Variants in ZNF683 observed in about 807,000 individuals in gnomAD.
ZNF683 encodes the protein zinc finger protein 683, also known as tissue-resident T-cell transcription regulator protein ZNF683.
In ZNF683, 20 loss-of-function variants were observed where a neutral mutation model predicts 31.4. That is an observed-to-expected ratio of 0.64 (90% CI 0.45 to 0.93). The LOEUF (loss-of-function observed/expected upper bound fraction) is 0.93. Among genes scored for constraint, ZNF683 ranks in the 40% least tolerant of loss-of-function variants. The probability of loss-of-function intolerance (pLI) is 0.00; values close to 1 mark genes in which losing one functional copy is unlikely to be tolerated. For missense variants in ZNF683, 621 were observed against 637.2 expected, an observed-to-expected ratio of 0.97 and a Z score of 0.27; for synonymous variants, 264 against 267.6, an observed-to-expected ratio of 0.99 and a Z score of 0.13.
intron 3 of ZNF683, 77 bp from the exon 4 acceptor site, chr1:26,365,303 C>G (rs545133649): frequency 7.0e-7 from 1 of 1,429,548 alleles, no homozygotes; most frequent in Non-Finnish European, 9.3e-7. Context: ...CTGCCCTGCT[C>G]GGGGCTGAGA....
rs1042896117 is a variant in ZNF683, at chr1:26,365,519, G to A, written c.320-293C>T. On this transcript the variant is annotated intron_variant, in intron 3 of 5. Transcript: ENST00000349618. Reference sequence around the variant, plus strand: ...CACAGATAAGATCACATAAGGGTGAGGCTAGATCTGCTATGTCCGAAATGG... The same window carrying A: ...CACAGATAAGATCACATAAGGGTGAAGCTAGATCTGCTATGTCCGAAATGG... 5.3e-5 allele frequency among the ~76,000 whole-genome samples: 8 copies of A among 152,318 alleles called. No individual in the cohort carries two copies. The East Asian group carries it at 1.5e-3, about 29-fold the overall frequency.
Position 26,365,233 on chromosome 1 carries a change from A to G in ZNF683, c.320-7T>C, listed in dbSNP as rs2074494457. On this transcript the variant is annotated splice_region_variant and splice_polypyrimidine_tract_variant and intron_variant, in intron 3 of 5. Coordinates refer to ENST00000349618, the MANE Select transcript of ZNF683 (RefSeq NM_001114759.3). ...AGCCCTGGTGGCTCGTGCTCTAAGC[A>G]GGAAAAGGAAGGCGGTCAGATCCCC... The G allele has an allele frequency of 2.5e-6, 4 of 1,579,396 alleles. No individual in the cohort carries two copies. The highest frequency in any genetic ancestry group is 1.8e-5 in the Admixed American group (1 of 54,564).
intron 1 of ZNF683, chr1:26,372,451 C>T: frequency 7.7e-7 from 1 of 1,298,850 alleles, no homozygotes; most frequent in South Asian, 1.2e-5. Context: ...TACTTAATTC[C>T]AACCTCCCTC....
At chr1:26,363,333 G>A (rs1435813387) in intron 4 of ZNF683, among the ~76,000 whole-genome samples, 179 bp from the exon 5 acceptor site, 1 of 152,186 alleles carries the variant, frequency 6.6e-6, no homozygotes, top group East Asian at 1.9e-4. Context: ...TGGTCAGAAG[G>A]CCAGGGGTAA....
At chr1:26,370,085 G>A (rs182689474) in intron 1 of ZNF683, among the ~76,000 whole-genome samples, 16 of 152,216 alleles carry the variant, frequency 1.1e-4, no homozygotes, top group South Asian at 4.1e-4. Context: ...AGGCCCTCAC[G>A]GAGCTTACTT....
chr1:26,369,807 C>T (rs2074626083), intron 1 of ZNF683, among the ~76,000 whole-genome samples: 1 of 152,044 alleles, frequency 6.6e-6, no homozygotes, highest in Non-Finnish European at 1.5e-5. Flanking sequence ...CCAGTCTGAG[C>T]AACAGAGTGA....
At chr1:26,366,627 G>T (rs1032712726) in intron 3 of ZNF683, among the ~76,000 whole-genome samples, 1 of 152,032 alleles carries the variant, frequency 6.6e-6, no homozygotes, top group Non-Finnish European at 1.5e-5. Context: ...GGGCAGAACC[G>T]AGACTCCAAC....
At position 26,372,668 on chromosome 1, in the gene ZNF683, C is replaced by T; in HGVS notation, c.-15+1G>A. On this transcript the variant is annotated splice_donor_variant, in intron 1 of 5. Transcript: ENST00000349618. LOFTEE classifies it low-confidence loss of function (5UTR_SPLICE). ...CCCTCTATCCGCACTTCCCAACCTA[C>T]TCTGGTGATCATGGGCTTTCCTTGG... 7.7e-7 allele frequency: 1 copy of T among 1,297,428 alleles called. No individual in the cohort carries two copies. Among genetic ancestry groups the T allele is most frequent in the Non-Finnish European group, 1.0e-6 (1 of 985,904 alleles). 80.4% of individuals were successfully genotyped at this position (1,297,428 alleles called of 1,614,324 possible).
Position 26,365,196 on chromosome 1 carries a change from G to C in ZNF683, c.350C>G (p.Ser117Cys). 3 of 1,606,922 alleles carry C rather than the reference G, an allele frequency of 1.9e-6. No individual in the cohort carries two copies. Among genetic ancestry groups the C allele is most frequent in the Non-Finnish European group, 1.7e-6 (2 of 1,177,032 alleles). The change falls in exon 4 of 6, where the codon TCC (serine) becomes TGC (cysteine). Residue 117 changes from serine (S) to cysteine (C), a missense_variant. Ser to Cys is a moderately radical substitution (Grantham distance 112). Coordinates refer to ENST00000349618, the MANE Select transcript of ZNF683 (RefSeq NM_001114759.3). ...GACTGTGAATTTCTTGTCATCGGTG[G>C]AGCTGGCCTGCAGCCCTGGTGGCTC... ...KHEPPGLQAS[S>C]TDDKKFTVKY...
chr1:26,363,234 A>G, intron 4 of ZNF683, 80 bp from the exon 5 acceptor site: 1 of 1,500,442 alleles, frequency 6.7e-7, no homozygotes, highest in East Asian at 2.4e-5. Context: ...ATCTCTGCCC[A>G]CTTCTCTCTC....
Position 26,368,613 on chromosome 1 carries a change from C to A in ZNF683, c.-14-28G>T, listed in dbSNP as rs754461458. On this transcript the variant is annotated intron_variant, in intron 1 of 5. Transcript: ENST00000349618. ...GGGAAACAGGTGAGTTAGAGGTAAG[C>A]TGTGAAGGTCCTCCAAATAGGAGTC... The A allele has an allele frequency of 1.9e-6, 3 of 1,552,898 alleles. No homozygotes were observed. The South Asian group carries it at 3.7e-5, about 19-fold the overall frequency.
rs145546121 is a variant in ZNF683, at chr1:26,364,720, C to A, written c.826G>T (p.Ala276Ser). ...GGGGAGTCGGTTGGGGCAGCTCCAG[C>A]ACCTGGATTTCGGGCCTGGGAAGGC... ...ALPSQARNPG[A>S]GAAPTDSPGL... The change falls in exon 4 of 6, where the codon GCT (alanine) becomes TCT (serine). Residue 276 changes from alanine to serine, a missense_variant. Ala to Ser is a moderately conservative substitution (Grantham distance 99). Coordinates refer to ENST00000349618, the MANE Select transcript of ZNF683 (RefSeq NM_001114759.3). The A allele has an allele frequency of 1.2e-6, 2 of 1,613,908 alleles. No individual in the cohort carries two copies. Among genetic ancestry groups the A allele is most frequent in the Non-Finnish European group, 1.7e-6 (2 of 1,179,856 alleles).
intron 1 of ZNF683, among the ~76,000 whole-genome samples, chr1:26,369,199 C>G (rs971695921): frequency 6.7e-6 from 1 of 148,738 alleles, no homozygotes; most frequent in Non-Finnish European, 1.5e-5. Context: ...GAGCCAAGAT[C>G]GTGCCACTGC....
chr1:26,374,180 G>A (rs2074718774), upstream of ZNF683: 2 of 1,239,248 alleles, frequency 1.6e-6, no homozygotes, highest in Admixed American at 5.0e-5. Flanking sequence ...AGACCCCCAG[G>A]CCACAAGCCC....
chr1:26,366,666 T>C (rs1054860058), intron 3 of ZNF683, among the ~76,000 whole-genome samples: 6 of 151,072 alleles, frequency 4.0e-5, no homozygotes, highest in African/African-American at 1.5e-4. Flanking sequence ...AGCCCAGTGC[T>C]TTTTTTTTGA....
rs2074484399 is a variant in ZNF683, at chr1:26,364,991, G to C, written c.555C>G (p.Leu185=). The change falls in exon 4 of 6, where the codon CTC becomes CTG. Residue 185 remains leucine (L), a synonymous_variant. Transcript: ENST00000349618. ...CPPVNSISKE[L]PFLLHAFYPG... is the part of the protein sequence containing the mutation. ...GGTAGAAGGCGTGGAGGAGAAATGG[G>C]AGCTCCTTGGAGATGGAGTTGACAG... The C allele has an allele frequency of 4.4e-6, 7 of 1,579,076 alleles. No individual in the cohort carries two copies. Among genetic ancestry groups the C allele is most frequent in the Non-Finnish European group, 6.0e-6 (7 of 1,165,314 alleles).
Position 26,364,640 on chromosome 1 carries a change from G to A in ZNF683, c.906C>T (p.Ser302=). The change falls in exon 4 of 6, where the codon TCC becomes TCT. Residue 302 remains serine, a synonymous_variant. Coordinates refer to ENST00000349618, the MANE Select transcript of ZNF683 (RefSeq NM_001114759.3). ...ASPAKRVPLS[S]QTGTAALPYP... is the part of the protein sequence containing the mutation. ...AAGGCAAGGCTGCGGTGCCTGTCTG[G>A]GAACTCAATGGGACCCGCTTTGCTG... is the stretch of plus-strand genomic sequence containing the variant. The A allele has an allele frequency of 6.2e-7, 1 of 1,614,012 alleles. No homozygotes were observed. The highest frequency in any genetic ancestry group is 8.5e-7 in the Non-Finnish European group (1 of 1,179,894).
chr1:26,362,441 T>C (rs2074409379), intron 5 of ZNF683, among the ~76,000 whole-genome samples: 1 of 152,126 alleles, frequency 6.6e-6, no homozygotes, highest in Non-Finnish European at 1.5e-5. Context: ...CCCAGGACCC[T>C]AGGGAAGCAT....
intron 3 of ZNF683, among the ~76,000 whole-genome samples, chr1:26,365,757 T>A (rs151200895): frequency 3.2e-4 from 48 of 152,326 alleles, no homozygotes; most frequent in African/African-American, 1.1e-3. Flanking sequence ...AAAAATAAAC[T>A]GTCAGCCAGG....
Sources: allele counts gnomAD v4.1 joint callset (sites outside exome capture counted in the v4.1 genomes callset), GRCh38; gene constraint gnomAD v4.1.1; transcripts MANE v1.5; gene names NCBI Gene and HGNC (gene_info 2026-07-23, HGNC 2026-07-21).